Variants in DACH2 observed in about 807,000 individuals in gnomAD.
DACH2 encodes dachshund family transcription factor 2.
A neutral mutation model predicts 35.8 loss-of-function variants in DACH2; 17 were observed. The observed-to-expected ratio is 0.48, with a 90% confidence interval of 0.33 to 0.71. The LOEUF (loss-of-function observed/expected upper bound fraction) is 0.71, where lower values mean the gene tolerates loss of function less well. Ranked by LOEUF, DACH2 falls within the 30% of genes least tolerant of loss-of-function variation. The pLI, the probability that DACH2 is intolerant of heterozygous loss-of-function variation, is 0.02. For synonymous variants in DACH2, 195 were observed against 177.3 expected, an observed-to-expected ratio of 1.10 and a Z score of -0.79; for missense variants, 469 against 472.7, an observed-to-expected ratio of 0.99 and a Z score of 0.07.
chrX:86,704,899 A>G (rs2041193005), intron 5 of DACH2, among the ~76,000 whole-genome samples: 1 of 110,127 alleles, frequency 9.1e-6, no homozygotes, highest in Non-Finnish European at 1.9e-5. Context: ...ACTACTGGGT[A>G]TGTACCCAGA....
chrX:86,555,641 G>T (rs1355975272), intron 3 of DACH2, among the ~76,000 whole-genome samples: 1 of 111,140 alleles, frequency 9.0e-6, no homozygotes, highest in Non-Finnish European at 1.9e-5. Context: ...AAATTGTGTT[G>T]GGTATCGGCA....
At chrX:86,254,146 A>G (rs1208383600) in intron 1 of DACH2, among the ~76,000 whole-genome samples, 1 of 111,676 alleles carries the variant, frequency 9.0e-6, no homozygotes, top group African/African-American at 3.2e-5. Flanking sequence ...TGCATGTGGC[A>G]TTTACATTTT....
intron 1 of DACH2, among the ~76,000 whole-genome samples, chrX:86,167,436 A>AT (rs2030979226): frequency 9.5e-6 from 1 of 104,734 alleles, no homozygotes; most frequent in African/African-American, 3.8e-5. Context: ...ATTTATTGGG[A>AT]TTTTCTCTCT....
chrX:86,671,599 T>G (rs1479201698), intron 4 of DACH2, among the ~76,000 whole-genome samples: 1 of 111,922 alleles, frequency 8.9e-6, no homozygotes, highest in African/African-American at 3.3e-5. Context: ...CCTTCCCCTT[T>G]GCCTTCCGCC....
At chrX:86,641,559 A>G (rs2040347315) in intron 3 of DACH2, among the ~76,000 whole-genome samples, 2 of 112,121 alleles carry the variant, frequency 1.8e-5, no homozygotes, top group African/African-American at 6.5e-5. Context: ...AAACTTCCCA[A>G]CCTTGCTAGA....
intron 1 of DACH2, among the ~76,000 whole-genome samples, chrX:86,212,598 T>TG (rs1171674587): frequency 9.0e-6 from 1 of 111,106 alleles, no homozygotes; most frequent in African/African-American, 3.3e-5. Flanking sequence ...TTGCCTGCCT[T>TG]TTTGTCTGTA....
At chrX:86,321,535 C>G (rs957872011) in intron 1 of DACH2, among the ~76,000 whole-genome samples, 1 of 111,839 alleles carries the variant, frequency 8.9e-6, no homozygotes, top group Non-Finnish European at 1.9e-5. Flanking sequence ...AAAGTGTTTC[C>G]TTTTCCATTC....
At chrX:86,557,464 T>C (rs7876269) in intron 3 of DACH2, among the ~76,000 whole-genome samples, 24,314 of 97,716 alleles carry the variant, frequency 0.25, 4,590 homozygotes, top group African/African-American at 0.63. Context: ...AGTAGTTTTT[T>C]CCAATTCTGT....
chrX:86,460,953 C>A, intron 2 of DACH2, among the ~76,000 whole-genome samples: 1 of 111,451 alleles, frequency 9.0e-6, no homozygotes, highest in Middle Eastern at 4.6e-3. Context: ...TTATTGCTTG[C>A]CTTGCACAAA....
At chrX:86,276,360 G>T (rs2033916438) in intron 1 of DACH2, among the ~76,000 whole-genome samples, 1 of 112,105 alleles carries the variant, frequency 8.9e-6, no homozygotes, top group Non-Finnish European at 1.9e-5. Context: ...CAAATACTTT[G>T]CCCATTTTTG....
rs2041925172 is a variant in DACH2, at chrX:86,765,697, G to GTTTTTTTTTTT, written c.1240+25815_1240+25816insTTTTTTTTTTT. ...CTGGTTTTTTTTGTTGTTGTTTTTTGGTTTTTTTTTTTTTTTTTTTTTTTT... is the reference window on the plus strand; with the variant it reads ...CTGGTTTTTTTTGTTGTTGTTTTTTGTTTTTTTTTTTGTTTTTTTTTTTTTTTTTTTTTTTT... On this transcript the variant is annotated intron_variant, in intron 7 of 11. Coordinates refer to ENST00000373125, the MANE Select transcript of DACH2 (RefSeq NM_053281.3). 1.4e-3 allele frequency among the ~76,000 whole-genome samples: 48 copies of GTTTTTTTTTTT among 35,195 alleles called. 1 individual carries two copies. Among genetic ancestry groups the GTTTTTTTTTTT allele is most frequent in the Middle Eastern group, 0.034 (1 of 29 alleles). The allele number at this position is 35,195 out of a possible 115,157, so 30.6% of individuals were successfully genotyped here.
chrX:86,242,143 C>T (rs920871848), intron 1 of DACH2, among the ~76,000 whole-genome samples: 1 of 112,271 alleles, frequency 8.9e-6, no homozygotes, highest in African/African-American at 3.2e-5. Context: ...CTCCAGACCC[C>T]AGAATTGTAG....
chrX:86,223,389 G>C (rs770349645), intron 1 of DACH2, among the ~76,000 whole-genome samples: 46 of 111,225 alleles, frequency 4.1e-4, no homozygotes, highest in Non-Finnish European at 7.0e-4. Flanking sequence ...TTTTCTTGGT[G>C]TCTTTAAATT....
At chrX:86,655,688 A>G (rs1209938475) in intron 4 of DACH2, among the ~76,000 whole-genome samples, 1 of 111,563 alleles carries the variant, frequency 9.0e-6, no homozygotes, top group East Asian at 2.8e-4. Flanking sequence ...AAGACAAAAA[A>G]AATCACTGTA....
chrX:86,275,276 C>A (rs1415970794), intron 1 of DACH2, among the ~76,000 whole-genome samples: 1 of 111,897 alleles, frequency 8.9e-6, no homozygotes, highest in Non-Finnish European at 1.9e-5. Context: ...AAAGTTAATT[C>A]CATAACTATG....
At chrX:86,598,217 C>T (rs2039738004) in intron 3 of DACH2, among the ~76,000 whole-genome samples, 1 of 111,905 alleles carries the variant, frequency 8.9e-6, no homozygotes, top group South Asian at 3.7e-4. Context: ...ATTATTACAT[C>T]TTCCTGATAT....
At chrX:86,542,548 C>A (rs770892077) in intron 3 of DACH2, among the ~76,000 whole-genome samples, 39 of 111,552 alleles carry the variant, frequency 3.5e-4, no homozygotes, top group African/African-American at 1.2e-3. Flanking sequence ...AGAGTAGATG[C>A]CTGTGCCATG....
At chrX:86,579,424 T>C (rs765505124) in intron 3 of DACH2, among the ~76,000 whole-genome samples, 1 of 111,139 alleles carries the variant, frequency 9.0e-6, no homozygotes, top group South Asian at 3.8e-4. Context: ...ACTGGAGTTT[T>C]GAAAGCTCTT....
At chrX:86,770,765 C>A (rs5923636) in intron 7 of DACH2, among the ~76,000 whole-genome samples, 15,499 of 111,527 alleles carry the variant, frequency 0.14, 1,086 homozygotes, top group Middle Eastern at 0.27. Context: ...ATATAACAAG[C>A]ACAGTTAAGA....
Sources: allele counts gnomAD v4.1 joint callset (sites outside exome capture counted in the v4.1 genomes callset), GRCh38; gene constraint gnomAD v4.1.1; transcripts MANE v1.5; gene names NCBI Gene and HGNC (gene_info 2026-07-23, HGNC 2026-07-21).